Variants in MCIDAS observed in about 807,000 individuals in gnomAD.
MCIDAS encodes multiciliate differentiation and DNA synthesis associated cell cycle protein.
MCIDAS carries 23 observed loss-of-function variants against 35.4 expected under a neutral mutation model. The ratio of observed to expected loss-of-function variants is 0.65; its 90% CI spans 0.47 to 0.92. The LOEUF is 0.92. Ranked by LOEUF, MCIDAS falls within the 40% of genes least tolerant of loss-of-function variation. The pLI, the probability that MCIDAS is intolerant of heterozygous loss-of-function variation, is 0.00. For missense variants in MCIDAS, 480 were observed against 531.8 expected (o/e 0.90, Z 0.96); for synonymous variants, 228 against 235.2 (o/e 0.97, Z 0.28).
chr5:55,221,643 T>G (rs1745358698), intron 5 of MCIDAS, among the ~76,000 whole-genome samples: 1 of 152,162 alleles, frequency 6.6e-6, no homozygotes, highest in South Asian at 2.1e-4. Context: ...ATAAATAAAA[T>G]GGCCAGGTGC....
At chr5:55,224,733 C>T (rs1219222864) in intron 3 of MCIDAS, among the ~76,000 whole-genome samples, 1 of 152,190 alleles carries the variant, frequency 6.6e-6, no homozygotes, top group Non-Finnish European at 1.5e-5. Context: ...TTCTAGAGCA[C>T]TTCCTCTCTC....
chr5:55,220,992 C>T, intron 6 of MCIDAS, 24 bp downstream of exon 6: 1 of 1,527,100 alleles, frequency 6.5e-7, no homozygotes, highest in Non-Finnish European at 8.8e-7. Context: ...TGCTGCAGTT[C>T]CCACACGCCC....
chr5:55,222,414 G>A lies in MCIDAS; in HGVS notation c.383-15C>T. 6.8e-7 allele frequency: 1 copy of A among 1,460,694 alleles called. No homozygotes were observed. The highest frequency in any genetic ancestry group is 9.0e-7 in the Non-Finnish European group (1 of 1,108,034). The allele number at this position is 1,460,694 out of a possible 1,614,324, so 90.5% of individuals were successfully genotyped here. A position where few individuals can be genotyped will look rare whatever the true frequency, so the allele number is the denominator to read the frequency against. On this transcript the variant is annotated splice_polypyrimidine_tract_variant and intron_variant, in intron 4 of 6. Coordinates refer to ENST00000513312, the MANE Select transcript of MCIDAS (RefSeq NM_001190787.3). ...AGAGGATGAGTCTGGAGAAGAGCAG[G>A]AGCTGGATTTGCAGCCTCAAATTCA... is the stretch of plus-strand genomic sequence containing the variant.
chr5:55,226,935 G>A lies in MCIDAS; in HGVS notation c.121-4C>T. The A allele has an allele frequency of 6.9e-7, 1 of 1,455,366 alleles. No individual in the cohort carries two copies. The highest frequency in any genetic ancestry group is 1.5e-5 in the African/African-American group (1 of 67,688). 90.2% of individuals were successfully genotyped at this position (1,455,366 alleles called of 1,614,324 possible). On this transcript the variant is annotated splice_polypyrimidine_tract_variant and splice_region_variant and intron_variant, in intron 1 of 6. Transcript: ENST00000513312. The stretch of plus-strand genomic sequence containing the variant: ...AGAACTTCCGCGGAGGAGCGAACTG[G>A]CCGGGCACACAAACGTTGAACGCGG...
intron 4 of MCIDAS, among the ~76,000 whole-genome samples, 172 bp downstream of exon 4, chr5:55,222,779 G>A (rs561336172): frequency 6.6e-6 from 1 of 152,166 alleles, no homozygotes; most frequent in South Asian, 2.1e-4. Context: ...ACTTCTCCAC[G>A]GGGGAGAGAA....
rs889420772 is a variant in MCIDAS, at chr5:55,220,492, C to T, written c.1032G>A (p.Glu344=). 249 of 1,536,060 alleles carry T rather than the reference C, an allele frequency of 1.6e-4. No homozygotes were observed. The East Asian group carries it at 5.9e-3, about 36-fold the overall frequency. ...GGATGCGGGTGCTGAAGGAGCCGCC[C>T]TCCTCCAGCTCACTGTGGCTCAGGT... The part of the protein sequence containing the change: ...ALNLSHSELE[E]GGSFSTRIRS... Residue 344 remains glutamate, a synonymous_variant, in exon 7 of 7, where the codon GAG becomes GAA. Coordinates refer to ENST00000513312, the MANE Select transcript of MCIDAS (RefSeq NM_001190787.3).
At chr5:55,226,973 G>A (rs1258911882) in intron 1 of MCIDAS, 42 bp from the exon 2 acceptor site, 2 of 1,503,310 alleles carry the variant, frequency 1.3e-6, no homozygotes, top group East Asian at 5.4e-5. Flanking sequence ...CAGCCCTCGG[G>A]GCACCGAGCG....
intron 4 of MCIDAS, 130 bp downstream of exon 4, chr5:55,222,821 G>C (rs2111694556): frequency 5.2e-6 from 4 of 768,988 alleles, no homozygotes; most frequent in South Asian, 3.4e-5. Context: ...CTGACTCTTT[G>C]ATGAGTTGCT....
rs777344625 is a variant in MCIDAS at position 55,221,681 on chromosome 5, T to G, written c.606+495A>C. On this transcript the variant is annotated intron_variant, in intron 5 of 6. Coordinates refer to ENST00000513312, the MANE Select transcript of MCIDAS (RefSeq NM_001190787.3). ...TGGCTCACGCCCATAATCTCAGCACTTTGGGGGTTGAGGCAGACGGATCAC... is the reference window on the plus strand; with the variant it reads ...TGGCTCACGCCCATAATCTCAGCACGTTGGGGGTTGAGGCAGACGGATCAC... Among the ~76,000 whole-genome samples, 27 of 152,124 alleles carry G rather than the reference T, an allele frequency of 1.8e-4. No homozygotes were observed. In the South Asian group the frequency reaches 2.9e-3, roughly 16 times the overall value.
Position 55,223,658 on chromosome 5 carries a change from G to C in MCIDAS, c.310-635C>G, listed in dbSNP as rs1745404887. On this transcript the variant is annotated intron_variant, in intron 3 of 6. Transcript: ENST00000513312. This position sits in a 1 kb window ranked among gnomAD's most constrained non-coding sequence, Gnocchi z 4.4. ...AGACCCGACAGCGTGCAGGGGCCTCGAGCAGTAATTTGAGGCCGCGTTTCC... is the reference window on the plus strand; with the variant it reads ...AGACCCGACAGCGTGCAGGGGCCTCCAGCAGTAATTTGAGGCCGCGTTTCC... Among the ~76,000 whole-genome samples, 1 of 152,140 alleles carries C rather than the reference G, an allele frequency of 6.6e-6. No individual in the cohort carries two copies. The highest frequency in any genetic ancestry group is 6.5e-5 in the Admixed American group (1 of 15,272).
rs767671978 is a variant in MCIDAS, at chr5:55,220,529, C to A, written c.995G>T (p.Arg332Leu). Reference protein sequence around the residue: ...AFRGLRTDCSRSALNLSHSEL... With the variant: ...AFRGLRTDCSLSALNLSHSEL... ...ACTGTGGCTCAGGTTCAACGCGCTC[C>A]GGCTGCAGTCTGTGCGCAGCCCCCG... The change falls in exon 7 of 7, where the codon CGG (arginine) becomes CTG (leucine). Residue 332 changes from arginine (R) to leucine (L), a missense_variant. Coordinates refer to ENST00000513312, the MANE Select transcript of MCIDAS (RefSeq NM_001190787.3). 1.6e-5 allele frequency: 24 copies of A among 1,535,958 alleles called. No individual in the cohort carries two copies. In the African/African-American group the frequency reaches 2.9e-4, roughly 18 times the overall value.
rs1255177358 is a variant in MCIDAS at position 55,220,845 on chromosome 5, C to T, written c.718-39G>A. ...GGAAGAGCGCCGCCCTGGGGCCTGCCGGACCCTCCGGGTTCGGAGCGTGCA... is the reference window on the plus strand; with the variant it reads ...GGAAGAGCGCCGCCCTGGGGCCTGCTGGACCCTCCGGGTTCGGAGCGTGCA... On this transcript the variant is annotated intron_variant, in intron 6 of 6. Transcript: ENST00000513312. 4 of 1,503,102 alleles carry T rather than the reference C, an allele frequency of 2.7e-6. No individual in the cohort carries two copies. In the East Asian group the frequency reaches 9.9e-5, roughly 37 times the overall value. 93.1% of individuals were successfully genotyped at this position (1,503,102 alleles called of 1,614,324 possible).
rs1745377458 is a variant in MCIDAS at position 55,222,370 on chromosome 5, C to G, written c.412G>C (p.Ala138Pro). 6.6e-7 allele frequency: 1 copy of G among 1,524,310 alleles called. No homozygotes were observed. Among genetic ancestry groups the G allele is most frequent in the East Asian group, 2.5e-5 (1 of 40,644 alleles). The allele number at this position is 1,524,310 out of a possible 1,614,324, so 94.4% of individuals were successfully genotyped here. Residue 138 changes from alanine to proline, a missense_variant, in exon 5 of 7, where the codon GCC becomes CCC. By Grantham distance (27) the Ala-to-Pro change is conservative (BLOSUM62 -1). Coordinates refer to ENST00000513312, the MANE Select transcript of MCIDAS (RefSeq NM_001190787.3). The part of the protein sequence containing the change: ...DSSSMMSPTL[A>P]SGDFPFSPCD... ...GGAGAGAAGGGGAAGTCTCCGCTGG[C>G]CAGGGTAGGCGACATCATAGAGGAT...
Position 55,220,711 on chromosome 5 carries a change from G to T in MCIDAS, c.813C>A (p.Ser271Arg). ...CTTCCGCGCAATCCTGCCCCGCAGC[G>T]CTGACCAACTCCTCCAGGCTCCTTT... is the stretch of plus-strand genomic sequence containing the variant. ...KAKRSLEELV[S>R]AAGQDCAEVD... Residue 271 changes from serine (S) to arginine (R), a missense_variant, in exon 7 of 7, where the codon AGC becomes AGA. By Grantham distance (110) the Ser-to-Arg change is moderately radical. Transcript: ENST00000513312. 4 of 1,536,014 alleles carry T rather than the reference G, an allele frequency of 2.6e-6. No individual in the cohort carries two copies. Among genetic ancestry groups the T allele is most frequent in the Non-Finnish European group, 3.5e-6 (4 of 1,146,818 alleles).
intron 4 of MCIDAS, 131 bp from the exon 5 acceptor site, chr5:55,222,530 A>C (rs1234065171): frequency 2.7e-6 from 2 of 729,104 alleles, no homozygotes; most frequent in Non-Finnish European, 4.3e-6. Flanking sequence ...CTTACTCCTA[A>C]ACGCCTGATT....
intron 5 of MCIDAS, 150 bp from the exon 6 acceptor site, chr5:55,221,276 T>TG (rs1232783259): frequency 1.7e-6 from 1 of 586,272 alleles, no homozygotes; most frequent in African/African-American, 1.9e-5. Flanking sequence ...TCAATTTACT[T>TG]TTTTTTTAAA....
At chr5:55,226,050 G>T (rs1352598458) in intron 3 of MCIDAS, among the ~76,000 whole-genome samples, 1 of 152,216 alleles carries the variant, frequency 6.6e-6, no homozygotes, top group Non-Finnish European at 1.5e-5. Flanking sequence ...AACATTTTCT[G>T]CAAGATTACT....
intron 3 of MCIDAS, among the ~76,000 whole-genome samples, chr5:55,226,261 G>C (rs1410659663): frequency 2.0e-5 from 3 of 152,146 alleles, no homozygotes; most frequent in Non-Finnish European, 2.9e-5. Flanking sequence ...CACCCGCCTG[G>C]TCTCTCAGTG....
Position 55,220,193 on chromosome 5 carries a change from G to T in MCIDAS, c.*173C>A. 1.6e-6 allele frequency: 1 copy of T among 629,884 alleles called. No homozygotes were observed. Among genetic ancestry groups the T allele is most frequent in the Non-Finnish European group, 2.7e-6 (1 of 369,324 alleles). 39.0% of individuals were successfully genotyped at this position (629,884 alleles called of 1,614,324 possible). A position where few individuals can be genotyped will look rare whatever the true frequency, so the allele number is the denominator to read the frequency against. Reference sequence around the variant, plus strand: ...TAAACAGAGTTTCACTGTGACAAGGGGAGGGGCTATACAATGTTTTGTAGC... The same window carrying T: ...TAAACAGAGTTTCACTGTGACAAGGTGAGGGGCTATACAATGTTTTGTAGC... On this transcript the variant is annotated 3_prime_UTR_variant, in exon 7 of 7. Transcript: ENST00000513312.
Sources: allele counts gnomAD v4.1 joint callset (sites outside exome capture counted in the v4.1 genomes callset), GRCh38; gene constraint gnomAD v4.1.1; non-coding constraint Gnocchi (gnomAD v3.1); transcripts MANE v1.5; gene names NCBI Gene and HGNC (gene_info 2026-07-23, HGNC 2026-07-21).